Variants in ACTG2 observed in about 807,000 individuals in gnomAD.
ACTG2 encodes actin, gamma-enteric smooth muscle.
Under a neutral mutation model 37.6 loss-of-function variants are expected in ACTG2, and 16 were observed. The observed-to-expected ratio is 0.43, with a 90% CI of 0.29 to 0.65. The LOEUF is 0.65. ACTG2 is among the 30% of genes least tolerant of loss of function. The probability of loss-of-function intolerance (pLI) is 0.18; values close to 1 mark genes in which losing one functional copy is unlikely to be tolerated. For synonymous variants in ACTG2, 181 were observed against 179.9 expected (o/e 1.01, Z -0.05); for missense variants, 238 against 490.9 (o/e 0.48, Z 4.87).
At chr2:73,906,937 G>A (rs576339489) in intron 3 of ACTG2, among the ~76,000 whole-genome samples, 6 of 152,274 alleles carry the variant, frequency 3.9e-5, no homozygotes, top group African/African-American at 1.2e-4. Flanking sequence ...CTGAGACAGG[G>A]CCTTGAGGAA....
Position 73,909,084 on chromosome 2 carries a change from C to T in ACTG2, c.396C>T (p.Ala132=). 1 of 1,614,108 alleles carries T rather than the reference C, an allele frequency of 6.2e-7. No homozygotes were observed. The highest frequency in any genetic ancestry group is 8.5e-7 in the Non-Finnish European group (1 of 1,179,988). The change falls in exon 5 of 9, where the codon GCC becomes GCT. Residue 132 remains alanine (A), a synonymous_variant. Transcript: ENST00000345517. ...QIMFETFNVP[A]MYVAIQAVLS... ...TGTTTGAAACCTTCAATGTCCCTGC[C>T]ATGTACGTCGCCATTCAAGCTGTGC...
At chr2:73,909,501 G>A (rs1680082953) in intron 5 of ACTG2, among the ~76,000 whole-genome samples, 3 of 152,322 alleles carry the variant, frequency 2.0e-5, no homozygotes, top group African/African-American at 2.4e-5. Flanking sequence ...GATACGTTCC[G>A]AGAAATGTGT....
chr2:73,906,039 AAAT>A (rs1158858136), intron 3 of ACTG2, among the ~76,000 whole-genome samples: 5 of 151,652 alleles, frequency 3.3e-5, no homozygotes, highest in South Asian at 4.1e-4. Context: ...AATATGAAAT[AAAT>A]AATGATAGTA....
intron 1 of ACTG2, among the ~76,000 whole-genome samples, chr2:73,898,374 A>C (rs1000822879): frequency 1.0e-4 from 5 of 49,308 alleles, no homozygotes; most frequent in African/African-American, 2.1e-4. Flanking sequence ...ATTGTATTAA[A>C]TATTTCAGTT....
At chr2:73,895,276 G>T (rs1384143096) in intron 1 of ACTG2, among the ~76,000 whole-genome samples, 1 of 152,150 alleles carries the variant, frequency 6.6e-6, no homozygotes, top group Non-Finnish European at 1.5e-5. Flanking sequence ...AGAGCCAGGG[G>T]AGTGAATGGA....
At chr2:73,906,730 A>C (rs1350903922) in intron 3 of ACTG2, among the ~76,000 whole-genome samples, 1 of 152,264 alleles carries the variant, frequency 6.6e-6, no homozygotes, top group East Asian at 1.9e-4. Context: ...TGCCTGTCTC[A>C]GCTCCCCAAA....
chr2:73,905,084 C>T (rs982696701), intron 3 of ACTG2, among the ~76,000 whole-genome samples: 1 of 151,752 alleles, frequency 6.6e-6, no homozygotes, highest in Non-Finnish European at 1.5e-5. Flanking sequence ...ATAAATGAAA[C>T]TTCCAGCATC....
At chr2:73,914,415 C>A (rs186368449) in intron 6 of ACTG2, among the ~76,000 whole-genome samples, 2 of 151,988 alleles carry the variant, frequency 1.3e-5, no homozygotes, top group Non-Finnish European at 2.9e-5. Flanking sequence ...AAAAATTAGC[C>A]GAGCTTAGTG....
rs143999465 is a variant in ACTG2, at chr2:73,903,510, A to G, written c.255+1022A>G. ...TAGTTTTCCCATTTGTAAAGTGAAG[A>G]TAAAAAACACTTTGTGCATTAGGTT... On this transcript the variant is annotated intron_variant, in intron 3 of 8. Coordinates refer to ENST00000345517, the MANE Select transcript of ACTG2 (RefSeq NM_001615.4). 5.9e-5 allele frequency among the ~76,000 whole-genome samples: 9 copies of G among 152,378 alleles called. 1 individual carries two copies. The East Asian group carries it at 1.7e-3, about 29-fold the overall frequency.
intron 4 of ACTG2, 130 bp downstream of exon 4, chr2:73,908,913 A>C: frequency 8.3e-7 from 1 of 1,206,086 alleles, no homozygotes; most frequent in Non-Finnish European, 1.2e-6. Flanking sequence ...GGTCCATGCC[A>C]GGCCCTGGGG....
intron 1 of ACTG2, among the ~76,000 whole-genome samples, chr2:73,898,802 C>CTTTTTTT (rs1165118275): frequency 3.2e-5 from 3 of 93,012 alleles, no homozygotes; most frequent in Non-Finnish European, 4.9e-5. Flanking sequence ...TTTTTTTTTT[C>CTTTTTTT]TTTTTTTTTT....
intron 3 of ACTG2, among the ~76,000 whole-genome samples, chr2:73,906,706 G>A (rs1204148961): frequency 1.3e-5 from 2 of 152,146 alleles, no homozygotes; most frequent in East Asian, 1.9e-4. Context: ...TCCAACCCCT[G>A]GGCTCAAGCA....
intron 3 of ACTG2, 79 bp from the exon 4 acceptor site, chr2:73,908,594 C>T (rs991938718): frequency 8.2e-7 from 1 of 1,226,672 alleles, no homozygotes; most frequent in Non-Finnish European, 1.2e-6. Flanking sequence ...GTGCCACACT[C>T]TCCCAGCATG....
At position 73,902,448 on chromosome 2, in the gene ACTG2, T is replaced by C. The variant is rs1319936116; in HGVS notation, c.215T>C (p.Ile72Thr). 6.2e-7 allele frequency: 1 copy of C among 1,613,974 alleles called. No individual in the cohort carries two copies. The highest frequency in any genetic ancestry group is 8.5e-7 in the Non-Finnish European group (1 of 1,180,016). ...KRGILTLKYP[I>T]EHGIITNWDD... Reference sequence around the variant, plus strand: ...GGGATCCTAACTCTCAAATACCCCATTGAACACGGCATCATCACCAACTGG... The same window carrying C: ...GGGATCCTAACTCTCAAATACCCCACTGAACACGGCATCATCACCAACTGG... The change falls in exon 3 of 9, where the codon ATT becomes ACT. Residue 72 changes from isoleucine to threonine, a missense_variant. Physicochemically the swap from Ile to Thr is moderately conservative, Grantham distance 89. Coordinates refer to ENST00000345517, the MANE Select transcript of ACTG2 (RefSeq NM_001615.4).
intron 8 of ACTG2, among the ~76,000 whole-genome samples, chr2:73,918,335 T>TC (rs1168637323): frequency 6.6e-6 from 1 of 152,152 alleles, no homozygotes; most frequent in Non-Finnish European, 1.5e-5. Flanking sequence ...ATGAGAAGTG[T>TC]CCAACAATAA....
chr2:73,904,248 CAAAAAAAA>C (rs61261289), intron 3 of ACTG2, among the ~76,000 whole-genome samples: 34 of 65,218 alleles, frequency 5.2e-4, no homozygotes, highest in African/African-American at 2.2e-3. Flanking sequence ...GACCATGTCT[CAAAAAAAA>C]AAAAAAAAAA....
intron 1 of ACTG2, among the ~76,000 whole-genome samples, chr2:73,899,264 C>T (rs368148403): frequency 6.6e-6 from 1 of 152,042 alleles, no homozygotes; most frequent in Non-Finnish European, 1.5e-5. Context: ...GGAGTTCAGA[C>T]CAGCCTGGGC....
At chr2:73,919,152 A>G (rs966239082) in intron 8 of ACTG2, among the ~76,000 whole-genome samples, 1 of 152,224 alleles carries the variant, frequency 6.6e-6, no homozygotes, top group Non-Finnish European at 1.5e-5. Flanking sequence ...CAAGTACACA[A>G]GCATATTTCA....
intron 8 of ACTG2, among the ~76,000 whole-genome samples, chr2:73,917,927 C>G (rs989168913): frequency 1.3e-5 from 2 of 152,200 alleles, no homozygotes; most frequent in African/African-American, 4.8e-5. Flanking sequence ...CTCCCAGATT[C>G]TGGTCCAACA....
Sources: gnomAD v4.1 joint callset for allele counts (sites outside exome capture counted in the v4.1 genomes callset) on GRCh38, gnomAD v4.1.1 for gene constraint, MANE v1.5 for transcripts, NCBI Gene and HGNC (gene_info 2026-07-23, HGNC 2026-07-21) for gene names.